Variants in PPP3CA observed in about 807,000 individuals in gnomAD.
PPP3CA encodes protein phosphatase 3 catalytic subunit alpha, also known as CAM-PRP catalytic subunit.
Under a neutral mutation model 66.5 loss-of-function variants are expected in PPP3CA, and 14 were observed. The observed-to-expected ratio is 0.21, with a 90% CI of 0.14 to 0.33. PPP3CA has a LOEUF of 0.33. PPP3CA is among the 10% of genes least tolerant of loss of function. PPP3CA has a pLI of 1.00. For missense variants in PPP3CA, 317 were observed against 639.5 expected, an observed-to-expected ratio of 0.50 and a Z score of 5.44; for synonymous variants, 232 against 226.2, an observed-to-expected ratio of 1.03 and a Z score of -0.23.
chr4:101,221,366 A>G lies in PPP3CA; in HGVS notation c.59-25250T>C, dbSNP rs180988920. 7.3e-4 allele frequency among the ~76,000 whole-genome samples: 111 copies of G among 151,674 alleles called. 1 individual carries two copies. Among genetic ancestry groups the G allele is most frequent in the African/African-American group, 2.5e-3 (102 of 41,498 alleles). On this transcript the variant is annotated intron_variant, in intron 1 of 13. Coordinates refer to ENST00000394854, the MANE Select transcript of PPP3CA (RefSeq NM_000944.5). ...TCCCTATGAATTGCTTAGTAAAATG[A>G]TATTTTACATCTATTTCAAATGTTT... is the stretch of plus-strand genomic sequence containing the variant.
chr4:101,131,814 C>T (rs534550431), intron 2 of PPP3CA, among the ~76,000 whole-genome samples: 4 of 152,308 alleles, frequency 2.6e-5, no homozygotes, highest in East Asian at 1.9e-4. Flanking sequence ...TTCTCAGCAC[C>T]ACATCACACT....
chr4:101,110,128 T>C (rs976450241), intron 2 of PPP3CA, among the ~76,000 whole-genome samples: 2 of 152,136 alleles, frequency 1.3e-5, no homozygotes, highest in African/African-American at 4.8e-5. Context: ...TGTAATATTT[T>C]AAAAATTTTG....
chr4:101,100,302 T>TGCAA (rs1730385684), intron 3 of PPP3CA, among the ~76,000 whole-genome samples: 1 of 152,072 alleles, frequency 6.6e-6, no homozygotes, highest in African/African-American at 2.4e-5. Flanking sequence ...TGTCAATGCT[T>TGCAA]TGCCTCCTCA....
At chr4:101,167,238 A>G (rs1449080943) in intron 2 of PPP3CA, among the ~76,000 whole-genome samples, 1 of 152,190 alleles carries the variant, frequency 6.6e-6, no homozygotes, top group Non-Finnish European at 1.5e-5. Context: ...ACATCACTAT[A>G]GAGGCTCTTG....
At chr4:101,151,824 T>G (rs531419777) in intron 2 of PPP3CA, among the ~76,000 whole-genome samples, 27 of 151,526 alleles carry the variant, frequency 1.8e-4, no homozygotes, top group African/African-American at 6.5e-4. Context: ...ACCCTGCTAA[T>G]TTTTTGTATT....
At chr4:101,304,376 G>A (rs1162269374) in intron 1 of PPP3CA, among the ~76,000 whole-genome samples, 1 of 152,058 alleles carries the variant, frequency 6.6e-6, no homozygotes, top group East Asian at 1.9e-4. Context: ...GGTTCACTAT[G>A]TACTGGAACC....
intron 1 of PPP3CA, among the ~76,000 whole-genome samples, chr4:101,284,338 C>T (rs2110281403): frequency 6.6e-6 from 1 of 152,284 alleles, no homozygotes; most frequent in African/African-American, 2.4e-5. Context: ...GACTCCTGGA[C>T]ACCTCCTGGG....
At chr4:101,171,259 A>G (rs765859447) in intron 2 of PPP3CA, 13 of 455,642 alleles carry the variant, frequency 2.9e-5, no homozygotes, top group South Asian at 2.0e-4. Flanking sequence ...GACTTACTGA[A>G]TAACAATCTC....
chr4:101,048,002 G>A (rs1379518846), intron 10 of PPP3CA, among the ~76,000 whole-genome samples: 1 of 152,008 alleles, frequency 6.6e-6, no homozygotes, highest in African/African-American at 2.4e-5. Context: ...TGATAAAGAG[G>A]GGAGGGAAAT....
rs33932766 is a variant in PPP3CA, at chr4:101,109,656, C to CA, written c.260-579dup. On this transcript the variant is annotated intron_variant, in intron 2 of 13. Coordinates refer to ENST00000394854, the MANE Select transcript of PPP3CA (RefSeq NM_000944.5). ...ATCATTAGTTTACGTACCACTAAGG[C>CA]AAAAAAAAAAAAAAAAAACTCCAAT... Among the ~76,000 whole-genome samples the CA allele has an allele frequency of 8.1e-3, 837 of 103,708 alleles. 2 individuals are homozygous for CA. The highest frequency in any genetic ancestry group is 0.015 in the African/African-American group (456 of 29,664). The allele number at this position is 103,708 out of a possible 152,430, so 68.0% of individuals were successfully genotyped here. A position where few individuals can be genotyped will look rare whatever the true frequency, so the allele number is the denominator to read the frequency against.
At chr4:101,339,043 C>T (rs746891279) in intron 1 of PPP3CA, among the ~76,000 whole-genome samples, 1 of 152,174 alleles carries the variant, frequency 6.6e-6, no homozygotes, top group Non-Finnish European at 1.5e-5. Flanking sequence ...GAGACAGCAG[C>T]GTTAGTGCCA....
At chr4:101,255,337 G>A (rs889837655) in intron 1 of PPP3CA, among the ~76,000 whole-genome samples, 5 of 151,678 alleles carry the variant, frequency 3.3e-5, no homozygotes, top group African/African-American at 9.7e-5. Context: ...TACTGTTGTC[G>A]TTAGCTTTTT....
At chr4:101,333,641 G>A (rs1473667568) in intron 1 of PPP3CA, among the ~76,000 whole-genome samples, 1 of 152,056 alleles carries the variant, frequency 6.6e-6, no homozygotes, top group Non-Finnish European at 1.5e-5. Context: ...TCTTGTCTTT[G>A]ATAACACTGA....
chr4:101,316,751 T>C (rs147313942), intron 1 of PPP3CA, among the ~76,000 whole-genome samples: 36 of 152,346 alleles, frequency 2.4e-4, no homozygotes, highest in Middle Eastern at 6.8e-3. Flanking sequence ...TATCCTCCAA[T>C]GTGTTATTGC....
At chr4:101,095,720 C>T (rs1476784616) in intron 5 of PPP3CA, among the ~76,000 whole-genome samples, 5 of 152,128 alleles carry the variant, frequency 3.3e-5, no homozygotes, top group African/African-American at 9.7e-5. Flanking sequence ...GGCACGATCT[C>T]GGCTCACAGC....
intron 2 of PPP3CA, among the ~76,000 whole-genome samples, chr4:101,141,388 C>A (rs1175220428): frequency 2.6e-5 from 4 of 151,938 alleles, no homozygotes; most frequent in Admixed American, 1.3e-4. Context: ...AAACAAAAAA[C>A]CCCTGCAGTG....
intron 2 of PPP3CA, among the ~76,000 whole-genome samples, chr4:101,156,288 A>G (rs1186442690): frequency 6.6e-6 from 1 of 152,236 alleles, no homozygotes; most frequent in African/African-American, 2.4e-5. Flanking sequence ...TGTGAAGCCC[A>G]GAAGGCATAA....
chr4:101,036,448 G>C (rs1727253836), intron 11 of PPP3CA, among the ~76,000 whole-genome samples: 2 of 149,522 alleles, frequency 1.3e-5, no homozygotes, highest in Admixed American at 6.7e-5. Flanking sequence ...GTCTTGCTCT[G>C]CTGCCCAGGC....
At chr4:101,091,398 A>G (rs1263710032) in intron 6 of PPP3CA, among the ~76,000 whole-genome samples, 1 of 152,206 alleles carries the variant, frequency 6.6e-6, no homozygotes, top group Non-Finnish European at 1.5e-5. Context: ...ATGCGTCTTT[A>G]ATTCAGCCAA....
Sources: allele counts gnomAD v4.1 joint callset (sites outside exome capture counted in the v4.1 genomes callset), GRCh38; gene constraint gnomAD v4.1.1; transcripts MANE v1.5; gene names NCBI Gene and HGNC (gene_info 2026-07-23, HGNC 2026-07-21).